The following FBXO34 variants were observed in gnomAD, a reference collection of about 807,000 sequenced individuals.
FBXO34 encodes the protein F-box protein 34, also known as F-box only protein 34.
A neutral mutation model predicts 24.5 loss-of-function variants in FBXO34; 12 were observed. The observed-to-expected ratio is 0.49, with a 90% confidence interval of 0.31 to 0.79. FBXO34 has a LOEUF of 0.79. Among genes scored for constraint, FBXO34 ranks in the 30% least tolerant of loss-of-function variants. FBXO34 has a pLI of 0.04. For synonymous variants in FBXO34, 320 were observed against 311.9 expected, an observed-to-expected ratio of 1.03 and a Z score of -0.27; for missense variants, 823 against 857.7, an observed-to-expected ratio of 0.96 and a Z score of 0.51.
intron 1 of FBXO34, among the ~76,000 whole-genome samples, chr14:55,338,944 AC>A (rs201048817): frequency 1.8e-4 from 27 of 150,842 alleles, no homozygotes; most frequent in African/African-American, 5.8e-4. Context: ...GCCAAAAAAA[AC>A]CCCCCAAAAA....
At chr14:55,440,386 G>A in the FBXO34 span, 1 of 1,612,942 alleles carries the variant, frequency 6.2e-7, no homozygotes, top group South Asian at 1.1e-5. Context: ...GACAGTGGCG[G>A]CAGCCTCACC....
the FBXO34 span, chr14:55,414,084 C>A: frequency 3.6e-6 from 2 of 562,648 alleles, no homozygotes; most frequent in African/African-American, 1.9e-5. Flanking sequence ...GGAAGATGGC[C>A]CTTCCGGCTA....
At chr14:55,418,951 G>A in the FBXO34 span, among the ~76,000 whole-genome samples, 3 of 152,130 alleles carry the variant, frequency 2.0e-5, no homozygotes, top group East Asian at 1.9e-4. Flanking sequence ...AAACCAAGTC[G>A]GAGAACTTAA....
chr14:55,283,199 T>C (rs1251209114), intron 1 of FBXO34, among the ~76,000 whole-genome samples: 1 of 152,218 alleles, frequency 6.6e-6, no homozygotes, highest in Non-Finnish European at 1.5e-5. Flanking sequence ...AGCTTTATGC[T>C]TTATTGAATC....
the FBXO34 span, among the ~76,000 whole-genome samples, chr14:55,418,387 C>T: frequency 6.6e-6 from 1 of 152,230 alleles, no homozygotes; most frequent in Admixed American, 6.5e-5. Flanking sequence ...TTTTCCAGTT[C>T]TGTTCTTACA....
At chr14:55,367,223 C>T (rs912169231) in exon 3 of FBXO34, 8 of 152,218 alleles carry the variant, frequency 5.3e-5, no homozygotes, top group Non-Finnish European at 1.2e-4. Flanking sequence ...TGAAGTCAGT[C>T]TCCACCACCA....
At chr14:55,273,184 T>C (rs1162329878) in intron 1 of FBXO34, among the ~76,000 whole-genome samples, 2 of 152,038 alleles carry the variant, frequency 1.3e-5, no homozygotes, top group Admixed American at 6.5e-5. Context: ...GTTTTTTTTT[T>C]TTCCTCTCTC....
chr14:55,386,150 C>A, the FBXO34 span: 2 of 1,426,056 alleles, frequency 1.4e-6, no homozygotes, highest in Non-Finnish European at 9.6e-7. Context: ...TTCCTGTGTA[C>A]TGCAGAGCTC....
At chr14:55,350,070 A>AT (rs879846744) in intron 1 of FBXO34, among the ~76,000 whole-genome samples, 69 of 150,922 alleles carry the variant, frequency 4.6e-4, no homozygotes, top group African/African-American at 1.0e-3. Flanking sequence ...GGAAGTTCAG[A>AT]TTTTTTTTTA....
intron 1 of FBXO34, among the ~76,000 whole-genome samples, chr14:55,340,053 A>G (rs1303194752): frequency 6.6e-6 from 1 of 152,176 alleles, no homozygotes; most frequent in East Asian, 1.9e-4. Context: ...CATTGATGCT[A>G]TAAGCAAACT....
At chr14:55,409,073 G>A in the FBXO34 span, among the ~76,000 whole-genome samples, 1 of 152,198 alleles carries the variant, frequency 6.6e-6, no homozygotes, top group South Asian at 2.1e-4. Flanking sequence ...ACTAAAAGAA[G>A]GGAGATCACT....
At chr14:55,272,679 A>T (rs1417522679) in intron 1 of FBXO34, among the ~76,000 whole-genome samples, 1 of 152,022 alleles carries the variant, frequency 6.6e-6, no homozygotes, top group Non-Finnish European at 1.5e-5. Context: ...TGTCTTAAAT[A>T]ATAATTACCT....
chr14:55,438,095 G>C, the FBXO34 span, among the ~76,000 whole-genome samples: 2 of 152,078 alleles, frequency 1.3e-5, no homozygotes, highest in African/African-American at 2.4e-5. Flanking sequence ...CTCAAGTTAC[G>C]GGCCTGGACT....
At chr14:55,436,655 T>A in the FBXO34 span, 1 of 1,614,204 alleles carries the variant, frequency 6.2e-7, no homozygotes, top group Non-Finnish European at 8.5e-7. Context: ...GAGTTTGGTT[T>A]CTCAGGAGAG....
intron 1 of FBXO34, among the ~76,000 whole-genome samples, chr14:55,307,041 C>T (rs1255128576): frequency 1.3e-5 from 2 of 152,234 alleles, no homozygotes; most frequent in African/African-American, 4.8e-5. Context: ...TCATTTGGCT[C>T]ACCCTTTGCT....
chr14:55,425,914 G>A, the FBXO34 span, among the ~76,000 whole-genome samples: 4,522 of 152,260 alleles, frequency 0.03, 229 homozygotes, highest in African/African-American at 0.1. Flanking sequence ...CTGCTACATG[G>A]TAGTCACCTA....
rs1450626357 is a variant in FBXO34 at position 55,331,743 on chromosome 14, G to A, written c.-10-18638G>A. On this transcript the variant is annotated intron_variant, in intron 1 of 1. Transcript: ENST00000313833. ...TATATATATATGTATATATATATGT[G>A]TGTATATATATATATATGTATATAT... 4.2e-3 allele frequency among the ~76,000 whole-genome samples: 179 copies of A among 42,920 alleles called. 56 individuals carry two copies. In the African/African-American group the frequency reaches 0.055, roughly 13 times the overall value. The allele number at this position is 42,920 out of a possible 152,430, so 28.2% of individuals were successfully genotyped here.
At chr14:55,320,013 A>T (rs958169047) in intron 1 of FBXO34, among the ~76,000 whole-genome samples, 23 of 152,170 alleles carry the variant, frequency 1.5e-4, no homozygotes, top group African/African-American at 5.3e-4. Context: ...TTAAGGGTAC[A>T]ACTGTTAAAT....
intron 3 of FBXO34, among the ~76,000 whole-genome samples, chr14:55,361,163 TTAAA>T (rs1884590305): frequency 6.6e-6 from 1 of 152,238 alleles, no homozygotes; most frequent in Non-Finnish European, 1.5e-5. Context: ...AATGTATTTC[TTAAA>T]TAAGACTTGA....
Sources: allele counts gnomAD v4.1 joint callset (sites outside exome capture counted in the v4.1 genomes callset), GRCh38; gene constraint gnomAD v4.1.1; transcripts MANE v1.5; gene names NCBI Gene and HGNC (gene_info 2026-07-23, HGNC 2026-07-21).